The following IL1RAPL1 variants were observed in gnomAD, a reference collection of about 807,000 sequenced individuals.
IL1RAPL1 encodes interleukin 1 receptor accessory protein like 1, also known as interleukin-1 receptor accessory protein-like 1.
IL1RAPL1 carries 3 observed loss-of-function variants against 48.4 expected under a neutral mutation model. The observed-to-expected ratio is 0.06, with a 90% CI of 0.03 to 0.16. The LOEUF is 0.16. IL1RAPL1 is among the 10% of genes least tolerant of loss of function. The pLI, the probability that IL1RAPL1 is intolerant of heterozygous loss-of-function variation, is 1.00. For missense variants in IL1RAPL1, 349 were observed against 530.6 expected (o/e 0.66, Z 3.36); for synonymous variants, 185 against 187.7 (o/e 0.99, Z 0.12).
At chrX:29,261,520 T>C (rs1931860140) in intron 2 of IL1RAPL1, among the ~76,000 whole-genome samples, 1 of 111,118 alleles carries the variant, frequency 9.0e-6, no homozygotes, top group South Asian at 3.8e-4. Context: ...TGGCTGCCTC[T>C]TTCTCCCTCT....
intron 2 of IL1RAPL1, among the ~76,000 whole-genome samples, chrX:29,138,422 A>G (rs1481464514): frequency 1.8e-5 from 2 of 111,545 alleles, no homozygotes; most frequent in Admixed American, 9.6e-5. Flanking sequence ...ACAGCTAGGT[A>G]TAACTTATAT....
intron 2 of IL1RAPL1, among the ~76,000 whole-genome samples, chrX:29,258,922 G>T (rs1007070676): frequency 9.0e-6 from 1 of 111,517 alleles, no homozygotes; most frequent in Admixed American, 9.6e-5. Context: ...GCAAACTGAG[G>T]AGTTACTTGA....
At chrX:29,323,773 A>G (rs1932825454) in intron 3 of IL1RAPL1, among the ~76,000 whole-genome samples, 1 of 44,500 alleles carries the variant, frequency 2.2e-5, no homozygotes, top group Non-Finnish European at 3.9e-5. Context: ...ATATATATAT[A>G]TATATATATA....
chrX:29,908,392 ATAT>A (rs1932687450), intron 6 of IL1RAPL1, among the ~76,000 whole-genome samples: 1 of 107,002 alleles, frequency 9.3e-6, no homozygotes, highest in African/African-American at 3.3e-5. Context: ...ATATATATAT[ATAT>A]AAGCAAACTT....
At chrX:28,714,423 G>T (rs1328994582) in intron 1 of IL1RAPL1, among the ~76,000 whole-genome samples, 1 of 111,771 alleles carries the variant, frequency 8.9e-6, no homozygotes, top group East Asian at 2.8e-4. Context: ...ACAATTTAAT[G>T]GAAGGAAGGA....
At chrX:29,435,687 C>T (rs540704504) in intron 5 of IL1RAPL1, among the ~76,000 whole-genome samples, 1 of 110,038 alleles carries the variant, frequency 9.1e-6, no homozygotes, top group African/African-American at 3.3e-5. Flanking sequence ...AAAAAGTTGG[C>T]AATGGTTCTC....
intron 2 of IL1RAPL1, among the ~76,000 whole-genome samples, chrX:29,115,634 A>G (rs1249233200): frequency 9.1e-6 from 1 of 110,293 alleles, no homozygotes; most frequent in Non-Finnish European, 1.9e-5. Flanking sequence ...TCTCTCCCTT[A>G]TAAAAAGTCT....
intron 2 of IL1RAPL1, among the ~76,000 whole-genome samples, chrX:28,884,453 T>A (rs760342002): frequency 9.0e-6 from 1 of 111,531 alleles, no homozygotes; most frequent in East Asian, 2.8e-4. Flanking sequence ...AATAGCCTGC[T>A]GTTGAAGTGA....
Position 29,766,939 on chromosome X carries a change from C to G in IL1RAPL1, c.778+98435C>G, listed in dbSNP as rs920193440. ...CTTACATAGTCACAACATAATTATC[C>G]CATCCAGGAAATTTATGGTACTGTT... is the stretch of plus-strand genomic sequence containing the variant. On this transcript the variant is annotated intron_variant, in intron 6 of 10. Transcript: ENST00000378993. Among the ~76,000 whole-genome samples, 8 of 108,786 alleles carry G rather than the reference C, an allele frequency of 7.4e-5. No homozygotes were observed. The East Asian group carries it at 2.3e-3, about 31-fold the overall frequency. The allele number at this position is 108,786 out of a possible 115,157, so 94.5% of individuals were successfully genotyped here.
At chrX:29,885,905 T>C (rs1932152157) in intron 6 of IL1RAPL1, among the ~76,000 whole-genome samples, 1 of 112,296 alleles carries the variant, frequency 8.9e-6, no homozygotes, top group South Asian at 3.7e-4. Flanking sequence ...AACTGAATGG[T>C]TTATTAAAGA....
chrX:29,505,383 T>A (rs191733952), intron 5 of IL1RAPL1, among the ~76,000 whole-genome samples: 131 of 112,006 alleles, frequency 1.2e-3, no homozygotes, highest in Middle Eastern at 9.3e-3. Context: ...CATGTTAGTT[T>A]TTTTTCAGAT....
At chrX:29,772,389 C>T (rs1440070249) in intron 6 of IL1RAPL1, among the ~76,000 whole-genome samples, 1 of 110,567 alleles carries the variant, frequency 9.0e-6, no homozygotes, top group Non-Finnish European at 1.9e-5. Flanking sequence ...TAATATTGTA[C>T]GTTAGTGATA....
chrX:29,760,979 C>G (rs934665586), intron 6 of IL1RAPL1, among the ~76,000 whole-genome samples: 2 of 111,403 alleles, frequency 1.8e-5, no homozygotes, highest in African/African-American at 6.5e-5. Flanking sequence ...CTCAGGCATT[C>G]TGATAGTACG....
chrX:28,635,899 C>T (rs1211744018), intron 1 of IL1RAPL1, among the ~76,000 whole-genome samples: 5 of 111,919 alleles, frequency 4.5e-5, no homozygotes, highest in Non-Finnish European at 7.5e-5. Flanking sequence ...AGGCAAGTTT[C>T]CTTCACAAGT....
chrX:29,544,870 A>G (rs1029983471), intron 5 of IL1RAPL1, among the ~76,000 whole-genome samples: 1 of 110,155 alleles, frequency 9.1e-6, no homozygotes, highest in Non-Finnish European at 1.9e-5. Flanking sequence ...GATTGCTTTT[A>G]AAGAGGTAAT....
intron 2 of IL1RAPL1, among the ~76,000 whole-genome samples, chrX:29,001,212 AT>A (rs968444719): frequency 8.9e-6 from 1 of 112,074 alleles, no homozygotes; most frequent in Non-Finnish European, 1.9e-5. Flanking sequence ...TAATCAAAAT[AT>A]TTTTTTGAAA....
chrX:29,950,176 A>G lies in IL1RAPL1; in HGVS notation c.1202-4346A>G, dbSNP rs189738936. 2.7e-5 allele frequency among the ~76,000 whole-genome samples: 3 copies of G among 112,361 alleles called. No individual in the cohort carries two copies. The East Asian group carries it at 8.4e-4, about 31-fold the overall frequency. On this transcript the variant is annotated intron_variant, in intron 9 of 10. Transcript: ENST00000378993. ...ACTTAAGTACTATAAATACATCCAG[A>G]TGACATAAGGAGATAGAAAACTAAC...
At chrX:29,949,614 G>A (rs760714453) in intron 9 of IL1RAPL1, among the ~76,000 whole-genome samples, 2 of 111,981 alleles carry the variant, frequency 1.8e-5, no homozygotes, top group African/African-American at 3.2e-5. Context: ...ATAGACTCTT[G>A]TACCAACCTA....
At chrX:28,863,493 G>A (rs1407801671) in intron 2 of IL1RAPL1, among the ~76,000 whole-genome samples, 12 of 104,515 alleles carry the variant, frequency 1.1e-4, no homozygotes, top group Non-Finnish European at 2.3e-4. Flanking sequence ...AAAAGGGTTT[G>A]TTATGAGGAT....
Sources: allele counts gnomAD v4.1 joint callset (sites outside exome capture counted in the v4.1 genomes callset), GRCh38; gene constraint gnomAD v4.1.1; transcripts MANE v1.5; gene names NCBI Gene and HGNC (gene_info 2026-07-23, HGNC 2026-07-21).